The following STK33 variants were observed in gnomAD, a reference collection of about 807,000 sequenced individuals.
STK33 encodes the protein serine/threonine-protein kinase 33.
STK33 carries 52 observed loss-of-function variants against 58.0 expected under a neutral mutation model. The observed-to-expected ratio is 0.90, with a 90% CI of 0.72 to 1.13. STK33 has a LOEUF of 1.13. STK33 is among the 50% of genes most tolerant of loss of function. The pLI is 0.00. For synonymous variants in STK33, 215 were observed against 200.1 expected, an observed-to-expected ratio of 1.07 and a Z score of -0.63; for missense variants, 630 against 604.2, an observed-to-expected ratio of 1.04 and a Z score of -0.45.
At chr11:8,526,279 C>A (rs1342472826) in intron 1 of STK33, among the ~76,000 whole-genome samples, 2 of 151,848 alleles carry the variant, frequency 1.3e-5, no homozygotes, top group African/African-American at 2.4e-5. Flanking sequence ...GTAATCCCAG[C>A]TACTCGGGAG....
chr11:8,554,201 C>T (rs1016372414), intron 1 of STK33, among the ~76,000 whole-genome samples: 5 of 151,946 alleles, frequency 3.3e-5, no homozygotes, highest in Non-Finnish European at 5.9e-5. Flanking sequence ...AGGTGGACTA[C>T]GAGGTCAGGA....
chr11:8,563,249 T>C (rs1025557488), intron 1 of STK33, among the ~76,000 whole-genome samples: 1 of 152,124 alleles, frequency 6.6e-6, no homozygotes, highest in African/African-American at 2.4e-5. Context: ...CAAAGTTAGC[T>C]GTTGGAGTAA....
At chr11:8,572,960 T>C (rs1957927364) in intron 1 of STK33, among the ~76,000 whole-genome samples, 1 of 152,122 alleles carries the variant, frequency 6.6e-6, no homozygotes, top group African/African-American at 2.4e-5. Flanking sequence ...TACTTTTTTT[T>C]TCTGCTTTCC....
chr11:8,407,446 C>T (rs1939439779), intron 15 of STK33, among the ~76,000 whole-genome samples: 1 of 151,992 alleles, frequency 6.6e-6, no homozygotes, highest in South Asian at 2.1e-4. Flanking sequence ...AAGAATTAGA[C>T]AGTGAAATCA....
intron 1 of STK33, among the ~76,000 whole-genome samples, chr11:8,580,229 T>C (rs2029883699): frequency 6.6e-6 from 1 of 152,018 alleles, no homozygotes; most frequent in Non-Finnish European, 1.5e-5. Context: ...TGTCCATCAA[T>C]AGATAAATGG....
intron 1 of STK33, among the ~76,000 whole-genome samples, chr11:8,489,950 T>G (rs1591445162): frequency 6.6e-6 from 1 of 152,152 alleles, no homozygotes; most frequent in East Asian, 1.9e-4. Flanking sequence ...AGGATCCCAT[T>G]CCAAGATGGC....
chr11:8,344,466 C>T, the STK33 span, among the ~76,000 whole-genome samples: 3 of 152,228 alleles, frequency 2.0e-5, no homozygotes, highest in Admixed American at 1.3e-4. Context: ...TTACCATTAA[C>T]TCCTTTCATC....
At chr11:8,448,174 G>C (rs1479642298) in intron 11 of STK33, among the ~76,000 whole-genome samples, 1 of 152,164 alleles carries the variant, frequency 6.6e-6, no homozygotes, top group Non-Finnish European at 1.5e-5. Flanking sequence ...TCACGGGTAG[G>C]AAGAATCAAT....
Position 8,592,360 on chromosome 11 carries a change from G to C in STK33, c.-466+1723C>G, listed in dbSNP as rs142088429. Among the ~76,000 whole-genome samples, 601 of 152,272 alleles carry C rather than the reference G, an allele frequency of 3.9e-3. 5 individuals carry two copies. The highest frequency in any genetic ancestry group is 0.014 in the African/African-American group (581 of 41,560). On this transcript the variant is annotated intron_variant, in intron 1 of 15. Coordinates refer to ENST00000687296, the MANE Select transcript of STK33 (RefSeq NM_001352389.2). ...AACCATCAAAAAGCTTTTGCTAATA[G>C]CTAACAATAAGATTTCACTTAAAAC...
At chr11:8,517,628 T>C (rs1352363818) in intron 1 of STK33, among the ~76,000 whole-genome samples, 1 of 152,118 alleles carries the variant, frequency 6.6e-6, no homozygotes, top group Non-Finnish European at 1.5e-5. Flanking sequence ...GAATAAACAG[T>C]GCAGAGAAGT....
intron 6 of STK33, among the ~76,000 whole-genome samples, chr11:8,472,516 G>C (rs1011134870): frequency 2.0e-5 from 3 of 152,138 alleles, no homozygotes; most frequent in Non-Finnish European, 2.9e-5. Context: ...TCAGTCAGCT[G>C]AGCAATCAGA....
the STK33 span, among the ~76,000 whole-genome samples, chr11:8,341,398 A>G: frequency 4.6e-5 from 7 of 152,334 alleles, no homozygotes; most frequent in East Asian, 1.3e-3. Context: ...TAAGGGAGCC[A>G]GCACCACACC....
intron 15 of STK33, among the ~76,000 whole-genome samples, chr11:8,398,331 T>G (rs1465132412): frequency 1.3e-5 from 2 of 152,216 alleles, no homozygotes; most frequent in Non-Finnish European, 2.9e-5. Flanking sequence ...CAAAGAATTT[T>G]CAACCCACAA....
In STK33 at chr11:8,392,667, T is replaced by C. The variant is rs779550632; in HGVS notation, c.1388A>G (p.Asn463Ser). The C allele has an allele frequency of 2.2e-5, 35 of 1,614,112 alleles. No individual in the cohort carries two copies. In the South Asian group the frequency reaches 3.4e-4, roughly 16 times the overall value. Residue 463 changes from asparagine to serine, a missense_variant, in exon 16 of 16, where the codon AAC becomes AGC. Asn to Ser is a conservative substitution (Grantham distance 46, BLOSUM62 1). Transcript: ENST00000687296. ...EKQFPATSKD[N>S]FDMCSSSFTS... is the part of the protein sequence containing the mutation. ...GAAACTTGAACTGCACATATCAAAG[T>C]TGTCCTTACTGGTTGCAGGAAATTG...
At chr11:8,584,834 A>G (rs537213147) in intron 1 of STK33, among the ~76,000 whole-genome samples, 14 of 152,330 alleles carry the variant, frequency 9.2e-5, no homozygotes, top group African/African-American at 3.1e-4. Context: ...GTTAATCTAG[A>G]CAGGATGCTA....
intron 1 of STK33, among the ~76,000 whole-genome samples, chr11:8,495,935 C>T (rs1951023258): frequency 1.4e-5 from 2 of 144,122 alleles, no homozygotes; most frequent in Admixed American, 1.4e-4. Context: ...ATATCACACA[C>T]TGGGGCCTGT....
rs74766554 is a variant in STK33, at chr11:8,558,236, G to T, written c.-466+35847C>A. 6.9e-3 allele frequency among the ~76,000 whole-genome samples: 1,049 copies of T among 152,082 alleles called. 12 individuals are homozygous for T. The highest frequency in any genetic ancestry group is 0.023 in the African/African-American group (955 of 41,504). ...CACTACATAAACTTAAAATGAAAAG[G>T]AAAAAAGACCAGCATAAATTTGTTC... On this transcript the variant is annotated intron_variant, in intron 1 of 15. Transcript: ENST00000687296.
At chr11:8,447,720 A>C (rs1162786882) in intron 11 of STK33, among the ~76,000 whole-genome samples, 5 of 152,078 alleles carry the variant, frequency 3.3e-5, no homozygotes, top group South Asian at 2.1e-4. Context: ...CCTTTGAAAA[A>C]TGGCACAAGA....
chr11:8,589,989 G>A (rs2032338242), intron 1 of STK33, among the ~76,000 whole-genome samples: 1 of 152,172 alleles, frequency 6.6e-6, no homozygotes, highest in Non-Finnish European at 1.5e-5. Flanking sequence ...AGATTTGCTA[G>A]CAGCAAACAA....
Sources: allele counts gnomAD v4.1 joint callset (sites outside exome capture counted in the v4.1 genomes callset), GRCh38; gene constraint gnomAD v4.1.1; transcripts MANE v1.5; gene names NCBI Gene and HGNC (gene_info 2026-07-23, HGNC 2026-07-21).